ABHD17C: variants seen among roughly 807,000 people sequenced by gnomAD.
ABHD17C encodes the protein abhydrolase domain containing 17C, depalmitoylase.
In ABHD17C, 11 loss-of-function variants were observed where a neutral mutation model predicts 27.9. That is an observed-to-expected ratio of 0.39 (90% CI 0.25 to 0.65). ABHD17C has a LOEUF of 0.65. Ranked by LOEUF, ABHD17C falls within the 30% of genes least tolerant of loss-of-function variation. The pLI, the probability that ABHD17C is intolerant of heterozygous loss-of-function variation, is 0.45. For missense variants in ABHD17C, 280 were observed against 470.2 expected (o/e 0.60, Z 3.74); for synonymous variants, 233 against 209.1 (o/e 1.11, Z -0.98).
intron 1 of ABHD17C, among the ~76,000 whole-genome samples, chr15:80,735,442 A>G (rs950956605): frequency 6.6e-6 from 1 of 152,054 alleles, no homozygotes; most frequent in African/African-American, 2.4e-5. Flanking sequence ...CTCTTCTGCA[A>G]AGCACTTCTT....
intron 1 of ABHD17C, among the ~76,000 whole-genome samples, chr15:80,724,234 G>A (rs1299747698): frequency 6.6e-5 from 10 of 151,966 alleles, no homozygotes; most frequent in Non-Finnish European, 8.8e-5. Flanking sequence ...CCCAGAAGGT[G>A]GGAGGATTAC....
intron 1 of ABHD17C, among the ~76,000 whole-genome samples, chr15:80,706,523 A>G (rs910500520): frequency 2.6e-5 from 4 of 152,234 alleles, no homozygotes; most frequent in Admixed American, 1.3e-4. Flanking sequence ...TAATGGTTAC[A>G]GTGAAATCTG....
intron 1 of ABHD17C, among the ~76,000 whole-genome samples, chr15:80,737,548 AC>A (rs1255099673): frequency 6.6e-6 from 1 of 152,240 alleles, no homozygotes; most frequent in Non-Finnish European, 1.5e-5. Context: ...AAAGGGAGAT[AC>A]AATTTTATCT....
At chr15:80,738,879 A>G (rs905601532) in intron 1 of ABHD17C, among the ~76,000 whole-genome samples, 5 of 152,214 alleles carry the variant, frequency 3.3e-5, no homozygotes, top group African/African-American at 9.7e-5. Flanking sequence ...CATTTAACAA[A>G]TATTTATCAT....
intron 2 of ABHD17C, among the ~76,000 whole-genome samples, chr15:80,751,746 C>G (rs949917018): frequency 5.3e-5 from 8 of 152,134 alleles, no homozygotes; most frequent in Non-Finnish European, 1.2e-4. Flanking sequence ...AGAGCAAGAC[C>G]CTGTCTCTTA....
At chr15:80,747,248 T>C (rs1017273781) in intron 1 of ABHD17C, among the ~76,000 whole-genome samples, 32 of 152,190 alleles carry the variant, frequency 2.1e-4, no homozygotes, top group Non-Finnish European at 4.4e-5. Context: ...CCACATCTCA[T>C]GGTCCATATG....
chr15:80,723,136 A>ATGTG (rs1323977699), intron 1 of ABHD17C, among the ~76,000 whole-genome samples: 2 of 92,430 alleles, frequency 2.2e-5, no homozygotes, highest in Non-Finnish European at 5.8e-5. Flanking sequence ...GTGTGTGTAT[A>ATGTG]TATGTGTGTG....
intron 1 of ABHD17C, among the ~76,000 whole-genome samples, chr15:80,748,786 A>G (rs746832267): frequency 6.6e-6 from 1 of 150,884 alleles, no homozygotes; most frequent in Non-Finnish European, 1.5e-5. Flanking sequence ...AATGCACACC[A>G]TTCACTTTAA....
chr15:80,701,106 C>A (rs1894565823), intron 1 of ABHD17C, among the ~76,000 whole-genome samples: 1 of 152,134 alleles, frequency 6.6e-6, no homozygotes, highest in East Asian at 1.9e-4. Flanking sequence ...CGGTGATTCA[C>A]AGGATCCATA....
chr15:80,736,380 G>GC lies in ABHD17C; in HGVS notation c.591-13132dup, dbSNP rs150962742. Among the ~76,000 whole-genome samples the GC allele has an allele frequency of 4.1e-3, 631 of 152,174 alleles. 2 individuals carry two copies. Among genetic ancestry groups the GC allele is most frequent in the African/African-American group, 0.015 (610 of 41,518 alleles). ...CTCTTCCTCATAATTAAAATATAAA[G>GC]CACGTTTGTTAAGTTTTGGCTAAAA... On this transcript the variant is annotated intron_variant, in intron 1 of 2. Coordinates refer to ENST00000258884, the MANE Select transcript of ABHD17C (RefSeq NM_021214.2).
intron 1 of ABHD17C, among the ~76,000 whole-genome samples, chr15:80,731,665 T>C (rs1895059207): frequency 6.6e-6 from 1 of 152,116 alleles, no homozygotes; most frequent in Non-Finnish European, 1.5e-5. Context: ...AATCTTTTTT[T>C]TTTTTGCAAA....
intron 1 of ABHD17C, among the ~76,000 whole-genome samples, chr15:80,724,526 A>T (rs1596066550): frequency 6.6e-6 from 1 of 151,762 alleles, no homozygotes; most frequent in Non-Finnish European, 1.5e-5. Context: ...TGTCTTGTTT[A>T]GAATGATGTA....
At chr15:80,748,876 G>A (rs888552164) in intron 1 of ABHD17C, among the ~76,000 whole-genome samples, 1 of 151,700 alleles carries the variant, frequency 6.6e-6, no homozygotes, top group African/African-American at 2.4e-5. Context: ...GCACCAGGCT[G>A]CAAGGGAGGC....
At chr15:80,741,749 TC>T (rs1255192064) in intron 1 of ABHD17C, among the ~76,000 whole-genome samples, 1 of 152,220 alleles carries the variant, frequency 6.6e-6, no homozygotes, top group Non-Finnish European at 1.5e-5. Context: ...GTTGGGAACT[TC>T]CTTTTCACTT....
intron 2 of ABHD17C, among the ~76,000 whole-genome samples, chr15:80,750,177 A>G (rs942766326): frequency 2.6e-5 from 4 of 152,202 alleles, no homozygotes; most frequent in African/African-American, 4.8e-5. Flanking sequence ...AAAAGGTACC[A>G]TGCTCAGTTA....
intron 1 of ABHD17C, among the ~76,000 whole-genome samples, chr15:80,739,451 G>A (rs532407433): frequency 6.6e-6 from 1 of 152,302 alleles, no homozygotes; most frequent in East Asian, 1.9e-4. Context: ...GTGACCCCCA[G>A]TGTTGGAGAT....
intron 1 of ABHD17C, among the ~76,000 whole-genome samples, chr15:80,717,030 C>G (rs1894812491): frequency 6.6e-6 from 1 of 152,162 alleles, no homozygotes. Context: ...AAAAGCATTT[C>G]TGAAAATATT....
At chr15:80,721,655 C>T (rs961864945) in intron 1 of ABHD17C, among the ~76,000 whole-genome samples, 1 of 152,130 alleles carries the variant, frequency 6.6e-6, no homozygotes, top group African/African-American at 2.4e-5. Context: ...TTGTCATTGT[C>T]GTCACTTTTG....
intron 1 of ABHD17C, among the ~76,000 whole-genome samples, chr15:80,731,021 C>T (rs1446666570): frequency 1.3e-5 from 2 of 152,050 alleles, no homozygotes; most frequent in African/African-American, 4.8e-5. Flanking sequence ...ACTTCAAGGC[C>T]TTATTTTAGA....
Sources: allele counts gnomAD v4.1 joint callset (sites outside exome capture counted in the v4.1 genomes callset), GRCh38; gene constraint gnomAD v4.1.1; transcripts MANE v1.5; gene names NCBI Gene and HGNC (gene_info 2026-07-23, HGNC 2026-07-21).